RORA: variants seen among roughly 807,000 people sequenced by gnomAD.
The protein encoded by RORA is RAR related orphan receptor A, also known as nuclear receptor ROR-alpha.
A neutral mutation model predicts 69.5 loss-of-function variants in RORA; 7 were observed. That is an observed-to-expected ratio of 0.10 (90% confidence interval 0.06 to 0.19). The LOEUF is 0.19. RORA is among the 10% of genes least tolerant of loss of function. RORA has a pLI of 1.00. For synonymous variants in RORA, 261 were observed against 240.8 expected (o/e 1.08, Z -0.78); for missense variants, 457 against 663.0 (o/e 0.69, Z 3.41).
At chr15:60,533,988 G>A (rs1283059445) in intron 2 of RORA, among the ~76,000 whole-genome samples, 1 of 152,170 alleles carries the variant, frequency 6.6e-6, no homozygotes, top group Non-Finnish European at 1.5e-5. Flanking sequence ...AACAATGAGG[G>A]AGATCAAGCA....
intron 1 of RORA, among the ~76,000 whole-genome samples, chr15:60,987,919 C>T (rs1303717712): frequency 1.3e-5 from 2 of 152,192 alleles, no homozygotes; most frequent in South Asian, 2.1e-4. Context: ...AAGTGCTCTC[C>T]ACACAGAAGG....
intron 1 of RORA, among the ~76,000 whole-genome samples, chr15:60,836,769 C>A (rs535336211): frequency 1.4e-4 from 22 of 152,276 alleles, no homozygotes; most frequent in African/African-American, 4.8e-4. Flanking sequence ...CATCATAGCT[C>A]ATGTCCATTA....
intron 3 of RORA, among the ~76,000 whole-genome samples, chr15:60,521,169 G>C (rs920171603): frequency 1.3e-5 from 2 of 151,930 alleles, no homozygotes; most frequent in Non-Finnish European, 2.9e-5. Flanking sequence ...AACTTTTGGC[G>C]ATGTCGTCCA....
chr15:61,083,152 ATTCT>A (rs1289344612), intron 1 of RORA, among the ~76,000 whole-genome samples: 3 of 152,204 alleles, frequency 2.0e-5, no homozygotes, highest in Non-Finnish European at 2.9e-5. Context: ...TCACTGCAGG[ATTCT>A]TTCTCTTGTG....
chr15:60,744,190 C>T lies in RORA; in HGVS notation c.167-65504G>A, dbSNP rs188779976. 5.3e-5 allele frequency among the ~76,000 whole-genome samples: 8 copies of T among 151,892 alleles called. No homozygotes were observed. The East Asian group carries it at 7.7e-4, about 15-fold the overall frequency. On this transcript the variant is annotated intron_variant, in intron 1 of 10. Transcript: ENST00000335670. ...TAAAGAGATTTTTCAGAAAATCTGC[C>T]GTAAGCTGTGGATGGAACTCTTCCT... is the stretch of plus-strand genomic sequence containing the variant.
At chr15:60,535,094 CTTCTT>C (rs1432552523) in intron 2 of RORA, among the ~76,000 whole-genome samples, 2 of 152,102 alleles carry the variant, frequency 1.3e-5, no homozygotes, top group Admixed American at 6.5e-5. Context: ...TCAAAACAAT[CTTCTT>C]TTAACACAAA....
intron 1 of RORA, among the ~76,000 whole-genome samples, chr15:61,111,045 C>A (rs184125879): frequency 1.3e-5 from 2 of 151,848 alleles, no homozygotes; most frequent in African/African-American, 4.8e-5. Context: ...AGACCTCCCC[C>A]AAAAAAGGAG....
At chr15:60,710,380 T>A (rs1297396101) in intron 1 of RORA, among the ~76,000 whole-genome samples, 2 of 152,006 alleles carry the variant, frequency 1.3e-5, no homozygotes, top group Non-Finnish European at 2.9e-5. Context: ...CTCAGCTACT[T>A]GGGCAGCTGA....
intron 2 of RORA, among the ~76,000 whole-genome samples, chr15:60,619,981 C>T (rs1428493269): frequency 6.6e-6 from 1 of 152,216 alleles, no homozygotes; most frequent in East Asian, 1.9e-4. Flanking sequence ...TGACGTCTTC[C>T]CCAGTCATTC....
chr15:60,580,767 TG>T (rs1344451154), intron 2 of RORA, among the ~76,000 whole-genome samples: 1 of 152,248 alleles, frequency 6.6e-6, no homozygotes, highest in Non-Finnish European at 1.5e-5. Context: ...CTTTGTCTTG[TG>T]CTCCCTCTTT....
chr15:61,115,551 G>A (rs552681461), intron 1 of RORA, among the ~76,000 whole-genome samples: 32 of 152,338 alleles, frequency 2.1e-4, no homozygotes, highest in African/African-American at 7.5e-4. Flanking sequence ...TTATTAGAGA[G>A]AGATGGCATT....
At chr15:60,791,854 T>C (rs1219312117) in intron 1 of RORA, among the ~76,000 whole-genome samples, 1 of 152,058 alleles carries the variant, frequency 6.6e-6, no homozygotes. Context: ...AAACAGAATC[T>C]AGGGTCTCTG....
chr15:60,536,963 T>C (rs2066699871), intron 2 of RORA, among the ~76,000 whole-genome samples: 1 of 152,268 alleles, frequency 6.6e-6, no homozygotes, highest in Non-Finnish European at 1.5e-5. Flanking sequence ...AACCAGCATG[T>C]ATTACTTTTC....
At chr15:61,220,288 C>T (rs915819832) in intron 1 of RORA, among the ~76,000 whole-genome samples, 2 of 152,212 alleles carry the variant, frequency 1.3e-5, no homozygotes, top group African/African-American at 4.8e-5. Flanking sequence ...TTGCCCTGTC[C>T]CTTCAGATAT....
intron 1 of RORA, among the ~76,000 whole-genome samples, chr15:61,198,675 CAAA>C (rs34291851): frequency 4.3e-5 from 6 of 139,496 alleles, no homozygotes; most frequent in African/African-American, 8.0e-5. Context: ...TATATTCTCT[CAAA>C]AAAAAAAAAA....
intron 2 of RORA, among the ~76,000 whole-genome samples, chr15:60,656,290 G>T (rs1303791495): frequency 6.6e-6 from 1 of 152,206 alleles, no homozygotes; most frequent in Admixed American, 6.5e-5. Flanking sequence ...TGAGTCCCCA[G>T]TGCAGCATGC....
chr15:60,542,594 C>T lies in RORA; in HGVS notation c.197-10743G>A, dbSNP rs535077907. On this transcript the variant is annotated intron_variant, in intron 2 of 10. Coordinates refer to ENST00000335670, the MANE Select transcript of RORA (RefSeq NM_134261.3). ...GGCACGCATGCACACCTCACACACA[C>T]GGCACGCATGCACACCTCACACACG... Among the ~76,000 whole-genome samples the T allele has an allele frequency of 3.2e-4, 44 of 139,490 alleles. 2 individuals are homozygous for T. The highest frequency in any genetic ancestry group is 1.3e-3 in the African/African-American group (42 of 32,912). 91.5% of individuals were successfully genotyped at this position (139,490 alleles called of 152,430 possible).
At chr15:60,909,829 C>T (rs1373236920) in intron 1 of RORA, among the ~76,000 whole-genome samples, 1 of 152,210 alleles carries the variant, frequency 6.6e-6, no homozygotes, top group East Asian at 1.9e-4. Context: ...GAACGCCTAC[C>T]TATTTTTTAC....
At chr15:60,728,941 A>C (rs1439295937) in intron 1 of RORA, among the ~76,000 whole-genome samples, 2 of 152,242 alleles carry the variant, frequency 1.3e-5, no homozygotes, top group African/African-American at 4.8e-5. Context: ...TGCATCTGGT[A>C]GAGGTCTCCC....
Sources: allele counts gnomAD v4.1 joint callset (sites outside exome capture counted in the v4.1 genomes callset), GRCh38; gene constraint gnomAD v4.1.1; transcripts MANE v1.5; gene names NCBI Gene and HGNC (gene_info 2026-07-23, HGNC 2026-07-21).